Variants in ATPAF1 observed in about 807,000 individuals in gnomAD.
ATPAF1 encodes ATP synthase mitochondrial F1 complex assembly factor 1.
ATPAF1 carries 26 observed loss-of-function variants against 43.9 expected under a neutral mutation model. That is an observed-to-expected ratio of 0.59 (90% CI 0.43 to 0.82). ATPAF1 has a LOEUF of 0.82. Among genes scored for constraint, ATPAF1 ranks in the 40% least tolerant of loss-of-function variants. The pLI is 0.00. For synonymous variants in ATPAF1, 157 were observed against 168.0 expected, an observed-to-expected ratio of 0.93 and a Z score of 0.50; for missense variants, 366 against 435.0, an observed-to-expected ratio of 0.84 and a Z score of 1.41.
intron 6 of ATPAF1, among the ~76,000 whole-genome samples, chr1:46,651,181 G>A (rs1676162168): frequency 6.6e-6 from 1 of 151,506 alleles, no homozygotes; most frequent in African/African-American, 2.4e-5. Flanking sequence ...CCCAGAGTGT[G>A]ATGTTCTCCT....
chr1:46,651,343 G>A (rs1381694669), intron 6 of ATPAF1, among the ~76,000 whole-genome samples: 1 of 151,302 alleles, frequency 6.6e-6, no homozygotes, highest in Non-Finnish European at 1.5e-5. Flanking sequence ...CATTTTTTAT[G>A]GCTGCATAGT....
At chr1:46,652,181 G>A (rs1452857358) in intron 6 of ATPAF1, among the ~76,000 whole-genome samples, 1 of 143,776 alleles carries the variant, frequency 7.0e-6, no homozygotes, top group African/African-American at 2.6e-5. Context: ...ATAATTATGT[G>A]TCAATTAAAA....
In ATPAF1 at chr1:46,643,179, C is replaced by T. The variant is rs1268580530; in HGVS notation, c.792+15G>A. ...CATGAGGTAAATCCAAAGAGTTTTG[C>T]AAGTTAATTCTTACCAGAAATGTGG... On this transcript the variant is annotated intron_variant, in intron 8 of 8. Transcript: ENST00000574428. 2.5e-6 allele frequency: 4 copies of T among 1,597,888 alleles called. No homozygotes were observed. The highest frequency in any genetic ancestry group is 3.4e-6 in the Non-Finnish European group (4 of 1,166,192).
At chr1:46,634,825 C>G (rs1675807317), downstream of ATPAF1, 1 of 152,478 alleles carries the variant, frequency 6.6e-6, no homozygotes, top group African/African-American at 2.4e-5. Flanking sequence ...TTTTCAGTCC[C>G]AAGATGAGTT....
At position 46,668,091 on chromosome 1, in the gene ATPAF1, C is replaced by T; in HGVS notation, c.232G>A (p.Asp78Asn). ...AGCTGGATCTTGTCGCGGTAGCGGT[C>T]GTAGAAAGGGTTGGCCTGGAGCTCG... Residue 78 changes from aspartate to asparagine, a missense_variant, in exon 1 of 9, where the codon GAC becomes AAC. Transcript: ENST00000574428. This position sits in a 1 kb window ranked among gnomAD's most constrained non-coding sequence, Gnocchi z 4.4. The T allele has an allele frequency of 6.2e-6, 9 of 1,454,496 alleles. No individual in the cohort carries two copies. Among genetic ancestry groups the T allele is most frequent in the Non-Finnish European group, 8.2e-6 (9 of 1,101,604 alleles). 90.1% of individuals were successfully genotyped at this position (1,454,496 alleles called of 1,614,324 possible).
intron 8 of ATPAF1, among the ~76,000 whole-genome samples, chr1:46,638,552 G>A (rs1675886670): frequency 6.6e-6 from 1 of 151,732 alleles, no homozygotes; most frequent in Non-Finnish European, 1.5e-5. Context: ...AACCCGGGAG[G>A]CAGAGCTTGC....
chr1:46,637,510 TAC>T (rs1675865747), intron 8 of ATPAF1, among the ~76,000 whole-genome samples: 1 of 152,178 alleles, frequency 6.6e-6, no homozygotes, highest in Non-Finnish European at 1.5e-5. Flanking sequence ...CGGTCAGAGG[TAC>T]TTGTCCATTA....
At chr1:46,650,363 GAA>G (rs60817653) in intron 6 of ATPAF1, among the ~76,000 whole-genome samples, 1 of 139,180 alleles carries the variant, frequency 7.2e-6, no homozygotes. Context: ...ATCTCTAAAT[GAA>G]AAAAAAAAAA....
chr1:46,635,758 G>T, exon 9 of ATPAF1: 2 of 1,602,458 alleles, frequency 1.2e-6, no homozygotes, highest in Non-Finnish European at 1.7e-6. Context: ...ACTAGGTGAA[G>T]GGCCAACCTG....
rs1161618614 is a variant in ATPAF1, at chr1:46,667,191, G to T, written c.266+866C>A. On this transcript the variant is annotated intron_variant, in intron 1 of 8. Transcript: ENST00000574428. ...TAGGGAACTCTAGTTAGAGGATAAT[G>T]GCAACAGCCCAGGTGACGATGATGG... Among the ~76,000 whole-genome samples the T allele has an allele frequency of 5.3e-5, 8 of 152,212 alleles. No homozygotes were observed. In the East Asian group the frequency reaches 1.5e-3, roughly 29 times the overall value.
chr1:46,634,147 T>C (rs1354476971), downstream of ATPAF1: 1 of 294,566 alleles, frequency 3.4e-6, no homozygotes, highest in Non-Finnish European at 6.5e-6. Context: ...TAGTGGGATG[T>C]CCACCCTATT....
At chr1:46,642,396 C>T (rs1481001344) in intron 8 of ATPAF1, among the ~76,000 whole-genome samples, 1 of 152,136 alleles carries the variant, frequency 6.6e-6, no homozygotes, top group Non-Finnish European at 1.5e-5. Flanking sequence ...TTAACCTCTG[C>T]CAGATAAAAG....
At chr1:46,633,596 G>A (rs535259876), downstream of ATPAF1, 56 of 409,670 alleles carry the variant, frequency 1.4e-4, no homozygotes, top group Non-Finnish European at 2.6e-4. Flanking sequence ...TTTTCTTTGA[G>A]TTCTTTGCCA....
At chr1:46,648,481 A>G (rs1373504169) in intron 6 of ATPAF1, among the ~76,000 whole-genome samples, 5 of 152,018 alleles carry the variant, frequency 3.3e-5, no homozygotes, top group Non-Finnish European at 5.9e-5. Context: ...CTCCACCTCC[A>G]GGGCTCAAGT....
chr1:46,664,019 G>T, intron 2 of ATPAF1: 1 of 662,768 alleles, frequency 1.5e-6, no homozygotes, highest in South Asian at 2.0e-5. Flanking sequence ...AAAGTAATAA[G>T]AATGGACTGC....
At chr1:46,657,150 C>T (rs907970429) in intron 4 of ATPAF1, among the ~76,000 whole-genome samples, 4 of 152,070 alleles carry the variant, frequency 2.6e-5, no homozygotes, top group Admixed American at 1.3e-4. Context: ...ACCCACTTCA[C>T]GGGGTGGTTA....
At chr1:46,650,779 C>A (rs1676149486) in intron 6 of ATPAF1, among the ~76,000 whole-genome samples, 1 of 147,036 alleles carries the variant, frequency 6.8e-6, no homozygotes, top group Non-Finnish European at 1.5e-5. Context: ...CACAGAGAGA[C>A]AAATACCACA....
At chr1:46,652,735 AAC>A in intron 5 of ATPAF1, 107 bp from the exon 6 acceptor site, 1 of 939,796 alleles carries the variant, frequency 1.1e-6, no homozygotes, top group East Asian at 2.7e-5. Flanking sequence ...ATACAACTAA[AAC>A]AGTCATTTAA....
In ATPAF1 at chr1:46,668,043, AC is replaced by A; in HGVS notation, c.266+13del. On this transcript the variant is annotated intron_variant, in intron 1 of 8. Transcript: ENST00000574428. The surrounding 1 kb of genome is among the most constrained non-coding windows in gnomAD (Gnocchi z 4.4). Reference sequence around the variant, plus strand: ...CCCGCCTCCTGCCCGCCTCCAGCCAACCCAGGCCCGCACCTGCGCAGCAGCT... The same window carrying A: ...CCCGCCTCCTGCCCGCCTCCAGCCAACCAGGCCCGCACCTGCGCAGCAGCT... 7.3e-7 allele frequency: 1 copy of A among 1,377,972 alleles called. No individual in the cohort carries two copies. Among genetic ancestry groups the A allele is most frequent in the Admixed American group, 3.3e-5 (1 of 30,624 alleles). The allele number at this position is 1,377,972 out of a possible 1,614,324, so 85.4% of individuals were successfully genotyped here.
Sources: gnomAD v4.1 joint callset for allele counts (sites outside exome capture counted in the v4.1 genomes callset) on GRCh38, gnomAD v4.1.1 for gene constraint, Gnocchi (gnomAD v3.1) non-coding constraint, MANE v1.5 for transcripts, NCBI Gene and HGNC (gene_info 2026-07-23, HGNC 2026-07-21) for gene names.